The following TSNARE1 variants were observed in gnomAD, a reference collection of about 807,000 sequenced individuals.
The protein encoded by TSNARE1 is t-SNARE domain-containing protein 1.
A neutral mutation model predicts 62.0 loss-of-function variants in TSNARE1; 49 were observed. That is an observed-to-expected ratio of 0.79 (90% CI 0.63 to 1.00). The LOEUF (loss-of-function observed/expected upper bound fraction) is 1.00. TSNARE1 is among the 50% of genes least tolerant of loss of function. TSNARE1 has a pLI of 0.00. For synonymous variants in TSNARE1, 328 were observed against 294.4 expected (o/e 1.11, Z -1.17); for missense variants, 755 against 700.1 (o/e 1.08, Z -0.88).
intron 1 of TSNARE1, among the ~76,000 whole-genome samples, chr8:142,361,067 C>T (rs1835118169): frequency 6.6e-6 from 1 of 152,238 alleles, no homozygotes; most frequent in Admixed American, 6.5e-5. Flanking sequence ...AGCAGGTCGC[C>T]CACAGGGCCA....
intron 1 of TSNARE1, chr8:142,366,018 CT>C (rs1171596406): frequency 4.6e-5 from 18 of 387,624 alleles, no homozygotes; most frequent in Non-Finnish European, 8.1e-5. Flanking sequence ...TCCCAGGACA[CT>C]GAAAATGAAG....
At chr8:142,266,878 C>T (rs1194170137) in intron 12 of TSNARE1, among the ~76,000 whole-genome samples, 1 of 152,182 alleles carries the variant, frequency 6.6e-6, no homozygotes, top group African/African-American at 2.4e-5. Context: ...TATTTTCTTA[C>T]CTCTCTTTGC....
At chr8:142,317,211 C>T (rs1463122554) in intron 7 of TSNARE1, among the ~76,000 whole-genome samples, 11 of 120,036 alleles carry the variant, frequency 9.2e-5, no homozygotes, top group Admixed American at 2.8e-4. Flanking sequence ...GCTCACACTG[C>T]ACGCGTGAAG....
chr8:142,374,230 G>A (rs1181943987), intron 1 of TSNARE1, among the ~76,000 whole-genome samples: 7 of 151,886 alleles, frequency 4.6e-5, no homozygotes, highest in African/African-American at 1.2e-4. Flanking sequence ...CTTGAACCCA[G>A]GGAGGCGGAG....
intron 4 of TSNARE1, among the ~76,000 whole-genome samples, chr8:142,332,787 C>T (rs1014611551): frequency 1.3e-5 from 2 of 152,110 alleles, no homozygotes; most frequent in South Asian, 2.1e-4. Flanking sequence ...TGGAAACACT[C>T]GCTGCCTGCC....
rs1177295512 is a variant in TSNARE1, at chr8:142,330,960, C to T, written c.834G>A (p.Leu278=). ...VFRINSSVTS[L]ERSLQSLGTP... The stretch of plus-strand genomic sequence containing the variant: ...TCCCTAAGGACTGAAGGCTCCGCTC[C>T]AAGGAGGTCACTGCCCGAGAGAAGA... Residue 278 remains leucine, a synonymous_variant, in exon 6 of 14, where the codon TTG becomes TTA. Coordinates refer to ENST00000524325, the MANE Select transcript of TSNARE1 (RefSeq NM_145003.5). The T allele has an allele frequency of 2.5e-6, 4 of 1,614,018 alleles. No individual in the cohort carries two copies. Among genetic ancestry groups the T allele is most frequent in the East Asian group, 2.2e-5 (1 of 44,880 alleles).
intron 1 of TSNARE1, among the ~76,000 whole-genome samples, chr8:142,369,627 A>G (rs1477362801): frequency 2.0e-5 from 3 of 152,218 alleles, no homozygotes; most frequent in African/African-American, 7.2e-5. Context: ...GAAGCTCAGC[A>G]GAGAAATGGA....
At chr8:142,256,330 T>TCACTA (rs1563782683) in intron 12 of TSNARE1, among the ~76,000 whole-genome samples, 5 of 3,110 alleles carry the variant, frequency 1.6e-3, no homozygotes, top group African/African-American at 2.5e-3. Context: ...CATCACCATC[T>TCACTA]TTGCCACCAT....
intron 1 of TSNARE1, among the ~76,000 whole-genome samples, chr8:142,370,802 G>C (rs1835863190): frequency 6.7e-6 from 1 of 149,670 alleles, no homozygotes; most frequent in Non-Finnish European, 1.5e-5. Flanking sequence ...CAAGCCAGAA[G>C]ACAATGGAGT....
intron 1 of TSNARE1, among the ~76,000 whole-genome samples, chr8:142,356,559 A>G (rs1191018976): frequency 6.6e-6 from 1 of 152,244 alleles, no homozygotes; most frequent in Non-Finnish European, 1.5e-5. Flanking sequence ...TGTGGAAGAC[A>G]GCCCAAGACA....
chr8:142,391,636 G>A (rs557037391), intron 1 of TSNARE1, among the ~76,000 whole-genome samples: 55 of 152,330 alleles, frequency 3.6e-4, no homozygotes, highest in African/African-American at 1.2e-3. Context: ...ATCCAGACGC[G>A]GGTGCTCACA....
At chr8:142,401,507 G>C (rs1232045218) in intron 1 of TSNARE1, among the ~76,000 whole-genome samples, 1 of 152,190 alleles carries the variant, frequency 6.6e-6, no homozygotes, top group Non-Finnish European at 1.5e-5. Context: ...CGCTCTGCAG[G>C]CCATGAGGAG....
At chr8:142,316,837 C>T (rs1828593420) in intron 7 of TSNARE1, among the ~76,000 whole-genome samples, 1 of 151,962 alleles carries the variant, frequency 6.6e-6, no homozygotes. Context: ...CTGCTGACCA[C>T]ACCCAACACG....
At chr8:142,334,982 T>C (rs998426061) in intron 4 of TSNARE1, among the ~76,000 whole-genome samples, 1 of 152,216 alleles carries the variant, frequency 6.6e-6, no homozygotes, top group Non-Finnish European at 1.5e-5. Flanking sequence ...TGGATCTCCC[T>C]GAAGAATTAA....
chr8:142,375,569 T>C (rs1836267072), intron 1 of TSNARE1, among the ~76,000 whole-genome samples: 1 of 152,206 alleles, frequency 6.6e-6, no homozygotes, highest in Admixed American at 6.5e-5. Context: ...CTCAGCCCAC[T>C]GGGCAGCCTT....
intron 12 of TSNARE1, among the ~76,000 whole-genome samples, chr8:142,236,204 G>A (rs573908970): frequency 5.3e-4 from 80 of 152,230 alleles, no homozygotes; most frequent in African/African-American, 1.9e-3. Flanking sequence ...CCCTCATGAA[G>A]ACAAAAATGC....
intron 9 of TSNARE1, among the ~76,000 whole-genome samples, chr8:142,310,242 CACTT>C (rs765923594): frequency 2.0e-5 from 3 of 152,188 alleles, no homozygotes; most frequent in Non-Finnish European, 4.4e-5. Context: ...TACTACATAA[CACTT>C]ACTCAGTCTG....
At chr8:142,216,680 G>A (rs950023675) in intron 13 of TSNARE1, among the ~76,000 whole-genome samples, 1 of 152,200 alleles carries the variant, frequency 6.6e-6, no homozygotes, top group Non-Finnish European at 1.5e-5. Context: ...AGCCTGGGGT[G>A]GGGGACGAGC....
At chr8:142,356,440 G>A (rs1834743665) in intron 1 of TSNARE1, among the ~76,000 whole-genome samples, 1 of 152,196 alleles carries the variant, frequency 6.6e-6, no homozygotes, top group African/African-American at 2.4e-5. Flanking sequence ...GGGGAGAGTG[G>A]GCTCTGAGAG....
Sources: allele counts gnomAD v4.1 joint callset (sites outside exome capture counted in the v4.1 genomes callset), GRCh38; gene constraint gnomAD v4.1.1; transcripts MANE v1.5; gene names NCBI Gene and HGNC (gene_info 2026-07-23, HGNC 2026-07-21).